CYFIP1: variants seen among roughly 807,000 people sequenced by gnomAD.
The protein encoded by CYFIP1 is cytoplasmic FMR1-interacting protein 1.
In CYFIP1, 58 loss-of-function variants were observed where a neutral mutation model predicts 163.5. That is an observed-to-expected ratio of 0.35 (90% CI 0.29 to 0.44). The LOEUF is 0.44. Among genes scored for constraint, CYFIP1 ranks in the 20% least tolerant of loss-of-function variants. CYFIP1 has a pLI of 1.00. For synonymous variants in CYFIP1, 663 were observed against 660.7 expected (o/e 1.00, Z -0.05); for missense variants, 1,338 against 1,653.8 (o/e 0.81, Z 3.31).
At chr15:22,911,858 CAG>C (rs1223648954) in intron 18 of CYFIP1, among the ~76,000 whole-genome samples, 1 of 152,162 alleles carries the variant, frequency 6.6e-6, no homozygotes, top group African/African-American at 2.4e-5. Context: ...GGGAGTGCAG[CAG>C]AGTGCTATTT....
At chr15:22,873,104 C>A in intron 29 of CYFIP1, 132 bp from the exon 30 acceptor site, 1 of 1,036,446 alleles carries the variant, frequency 9.6e-7, no homozygotes, top group Non-Finnish European at 1.4e-6. Flanking sequence ...CCTTCCACAG[C>A]CAGGAAGAGA....
intron 22 of CYFIP1, among the ~76,000 whole-genome samples, chr15:22,894,715 A>G (rs971069261): frequency 4.6e-5 from 7 of 151,594 alleles, no homozygotes; most frequent in Non-Finnish European, 2.9e-5. Context: ...ACTCAGATAC[A>G]GAACTGTTGA....
intron 30 of CYFIP1, among the ~76,000 whole-genome samples, chr15:22,871,114 T>G (rs529060089): frequency 6.6e-6 from 1 of 152,192 alleles, no homozygotes; most frequent in African/African-American, 2.4e-5. Flanking sequence ...GGCCCTGAGT[T>G]GGTAGCACCC....
chr15:22,959,789 C>G (rs956257505), intron 1 of CYFIP1, among the ~76,000 whole-genome samples: 1 of 152,200 alleles, frequency 6.6e-6, no homozygotes, highest in Admixed American at 6.5e-5. Context: ...CCGTGCTCCC[C>G]CTCCCCACCA....
chr15:22,890,309 C>T (rs76570070), intron 23 of CYFIP1, among the ~76,000 whole-genome samples: 1 of 81,520 alleles, frequency 1.2e-5, no homozygotes, highest in African/African-American at 4.6e-5. Flanking sequence ...GACTCCATCT[C>T]AAAAAAAAAA....
intron 28 of CYFIP1, 89 bp from the exon 29 acceptor site, chr15:22,873,818 G>T (rs1188982504): frequency 4.2e-6 from 5 of 1,188,128 alleles, no homozygotes; most frequent in East Asian, 2.3e-5. Flanking sequence ...TTGAGACAGG[G>T]TCTTGCTCTG....
At chr15:22,926,477 G>A (rs887193008) in intron 12 of CYFIP1, among the ~76,000 whole-genome samples, 2 of 152,162 alleles carry the variant, frequency 1.3e-5, no homozygotes, top group African/African-American at 4.8e-5. Context: ...TTCAAGATCA[G>A]CCTGAGCAAT....
chr15:22,912,388 A>G (rs1413121502), intron 17 of CYFIP1, 113 bp from the exon 18 acceptor site: 1 of 772,818 alleles, frequency 1.3e-6, no homozygotes, highest in African/African-American at 1.8e-5. Context: ...ACGTAAGGAA[A>G]AACAACTTTC....
intron 26 of CYFIP1, among the ~76,000 whole-genome samples, chr15:22,877,802 G>C (rs1386583195): frequency 2.6e-5 from 4 of 152,248 alleles, no homozygotes; most frequent in Non-Finnish European, 5.9e-5. Context: ...CACCAGGAGA[G>C]GGTCTGCCTA....
At chr15:22,933,722 C>T (rs1451068124) in intron 10 of CYFIP1, 80 bp downstream of exon 10, 2 of 1,027,524 alleles carry the variant, frequency 1.9e-6, no homozygotes, top group African/African-American at 1.6e-5. Context: ...TATCTCTAGA[C>T]AAATAAGCAG....
chr15:22,976,272 T>C (rs1377089988), intron 1 of CYFIP1, among the ~76,000 whole-genome samples: 2 of 152,074 alleles, frequency 1.3e-5, no homozygotes, highest in Admixed American at 6.6e-5. Context: ...ATTCTCCTGC[T>C]TCAGCCTCCT....
At chr15:22,926,497 C>A (rs1039575878) in intron 12 of CYFIP1, among the ~76,000 whole-genome samples, 6 of 152,036 alleles carry the variant, frequency 3.9e-5, no homozygotes, top group Non-Finnish European at 7.4e-5. Context: ...TATAGTGAGG[C>A]CTCATCTCTA....
intron 13 of CYFIP1, among the ~76,000 whole-genome samples, chr15:22,919,078 G>T (rs1480958785): frequency 6.6e-6 from 1 of 152,170 alleles, no homozygotes; most frequent in African/African-American, 2.4e-5. Flanking sequence ...GCACCTGGAG[G>T]ACAGGGATGC....
intron 6 of CYFIP1, among the ~76,000 whole-genome samples, chr15:22,942,753 C>G (rs899352487): frequency 2.0e-5 from 3 of 152,190 alleles, no homozygotes; most frequent in Admixed American, 6.5e-5. Flanking sequence ...CTGGGGACCC[C>G]CGCTGGCGAG....
intron 21 of CYFIP1, among the ~76,000 whole-genome samples, chr15:22,908,083 T>A (rs1200618954): frequency 6.6e-6 from 1 of 152,198 alleles, no homozygotes; most frequent in Non-Finnish European, 1.5e-5. Context: ...TGTTCCTTAG[T>A]CTTGCCTCTT....
intron 9 of CYFIP1, among the ~76,000 whole-genome samples, chr15:22,936,480 C>T (rs569466019): frequency 5.8e-4 from 88 of 152,254 alleles, no homozygotes; most frequent in African/African-American, 2.0e-3. Flanking sequence ...CTCAGGATAT[C>T]CCCCCACCCC....
rs757658130 is a variant in CYFIP1, at chr15:22,943,345, T to C, written c.397A>G (p.Ile133Val). Residue 133 changes from isoleucine (I) to valine (V), a missense_variant, in exon 6 of 31, where the codon ATT becomes GTT. Physicochemically the swap from Ile to Val is conservative, Grantham distance 29 (BLOSUM62 3). Coordinates refer to ENST00000617928, the MANE Select transcript of CYFIP1 (RefSeq NM_014608.6). ...CTCACTTCCCCGCAGAAACGCTCAA[T>C]GGCATTTCTCTGTGCAGAGGAAGCA... Reference protein sequence around the residue: ...MNFMYFQRNAIERFCGEVRRL... With the variant: ...MNFMYFQRNAVERFCGEVRRL... 1.2e-6 allele frequency: 2 copies of C among 1,613,886 alleles called. No individual in the cohort carries two copies. The highest frequency in any genetic ancestry group is 1.3e-5 in the African/African-American group (1 of 74,930).
intron 13 of CYFIP1, among the ~76,000 whole-genome samples, chr15:22,920,084 A>T (rs1057431352): frequency 4.6e-5 from 7 of 151,004 alleles, no homozygotes; most frequent in Non-Finnish European, 8.9e-5. Flanking sequence ...CCACAGTAAT[A>T]AAAAAAAACA....
At chr15:22,910,114 T>C (rs1468770514) in intron 20 of CYFIP1, among the ~76,000 whole-genome samples, 1 of 152,200 alleles carries the variant, frequency 6.6e-6, no homozygotes, top group Non-Finnish European at 1.5e-5. Flanking sequence ...TCACAAGGCA[T>C]GCTGATATCT....
Sources: allele counts gnomAD v4.1 joint callset (sites outside exome capture counted in the v4.1 genomes callset), GRCh38; gene constraint gnomAD v4.1.1; transcripts MANE v1.5; gene names NCBI Gene and HGNC (gene_info 2026-07-23, HGNC 2026-07-21).